Variants in PAK5 observed in about 807,000 individuals in gnomAD.
PAK5 encodes p21 (RAC1) activated kinase 5.
In PAK5, 16 loss-of-function variants were observed where a neutral mutation model predicts 65.9. That is an observed-to-expected ratio of 0.24 (90% CI 0.16 to 0.37). The LOEUF (loss-of-function observed/expected upper bound fraction) is 0.37. Among genes scored for constraint, PAK5 ranks in the 10% least tolerant of loss-of-function variants. The pLI is 1.00. For missense variants in PAK5, 785 were observed against 903.9 expected (o/e 0.87, Z 1.69); for synonymous variants, 371 against 354.9 (o/e 1.05, Z -0.51).
rs188083269 is a variant in PAK5 at position 9,755,694 on chromosome 20, C to T, written c.-161-44259G>A. On this transcript the variant is annotated intron_variant, in intron 1 of 9. Coordinates refer to ENST00000353224, the MANE Select transcript of PAK5 (RefSeq NM_177990.4). ...ACTCATTTTATAGTTCAGTTCAGTT[C>T]CTAAAAAGTCTCCTGTAAATGAGTT... Among the ~76,000 whole-genome samples, 149 of 152,248 alleles carry T rather than the reference C, an allele frequency of 9.8e-4. No individual in the cohort carries two copies. In the Middle Eastern group the frequency reaches 0.014, roughly 14 times the overall value.
chr20:9,755,420 T>C (rs1202340802), intron 1 of PAK5, among the ~76,000 whole-genome samples: 1 of 152,186 alleles, frequency 6.6e-6, no homozygotes, highest in Non-Finnish European at 1.5e-5. Context: ...TCACTCACAT[T>C]AGCAACTCAA....
intron 1 of PAK5, among the ~76,000 whole-genome samples, chr20:9,809,948 T>C (rs1005350849): frequency 6.6e-6 from 1 of 152,204 alleles, no homozygotes; most frequent in East Asian, 1.9e-4. Flanking sequence ...CCTCTGACAT[T>C]CCATTTTGTA....
intron 1 of PAK5, among the ~76,000 whole-genome samples, chr20:9,729,997 GA>G (rs760289697): frequency 2.4e-4 from 20 of 82,258 alleles, no homozygotes; most frequent in Admixed American, 7.8e-4. Context: ...GGGCAACAGG[GA>G]AAAAAAAAAA....
chr20:9,545,485 T>C (rs1381571131), intron 7 of PAK5, among the ~76,000 whole-genome samples: 2 of 152,180 alleles, frequency 1.3e-5, no homozygotes, highest in African/African-American at 2.4e-5. Context: ...CCACTTGAAG[T>C]GAAAAAATTT....
chr20:9,689,913 T>C (rs1045956162), intron 2 of PAK5, among the ~76,000 whole-genome samples: 3 of 152,188 alleles, frequency 2.0e-5, no homozygotes, highest in African/African-American at 7.2e-5. Flanking sequence ...CAAGCAGGCC[T>C]GCAGGCATCA....
chr20:9,777,807 T>C lies in PAK5; in HGVS notation c.-162+60955A>G, dbSNP rs543470329. On this transcript the variant is annotated intron_variant, in intron 1 of 9. Coordinates refer to ENST00000353224, the MANE Select transcript of PAK5 (RefSeq NM_177990.4). ...GGACAGTGGTGCTCCTGCTCTTTTA[T>C]GCATGTGTGAGGATGGGAAAAATCC... 4.6e-5 allele frequency among the ~76,000 whole-genome samples: 7 copies of C among 152,280 alleles called. No homozygotes were observed. In the East Asian group the frequency reaches 1.2e-3, roughly 25 times the overall value.
At chr20:9,586,415 T>G (rs1322966920) in intron 3 of PAK5, among the ~76,000 whole-genome samples, 1 of 152,178 alleles carries the variant, frequency 6.6e-6, no homozygotes, top group Non-Finnish European at 1.5e-5. Flanking sequence ...TAACACTTCA[T>G]TTTTGAGAAA....
intron 1 of PAK5, among the ~76,000 whole-genome samples, chr20:9,715,687 A>C (rs1309399027): frequency 1.3e-5 from 2 of 152,088 alleles, no homozygotes; most frequent in African/African-American, 2.4e-5. Context: ...AAAATGTGGC[A>C]CATATACACC....
intron 2 of PAK5, among the ~76,000 whole-genome samples, chr20:9,705,208 A>T (rs1014852423): frequency 6.6e-6 from 1 of 151,942 alleles, no homozygotes; most frequent in Non-Finnish European, 1.5e-5. Context: ...AAATCAAGAA[A>T]ATCTGAAGAG....
intron 4 of PAK5, among the ~76,000 whole-genome samples, chr20:9,579,455 A>G (rs2045941101): frequency 1.3e-5 from 2 of 152,238 alleles, no homozygotes; most frequent in Admixed American, 1.3e-4. Context: ...TTAGGATATC[A>G]TAGACCAGTC....
chr20:9,631,101 T>C (rs2046915182), intron 3 of PAK5, among the ~76,000 whole-genome samples: 1 of 152,138 alleles, frequency 6.6e-6, no homozygotes, highest in South Asian at 2.1e-4. Flanking sequence ...GATGAGACTT[T>C]GGGATCTTGG....
chr20:9,741,101 G>C (rs981981154), intron 1 of PAK5, among the ~76,000 whole-genome samples: 2 of 152,258 alleles, frequency 1.3e-5, no homozygotes, highest in Admixed American at 1.3e-4. Context: ...AAAGTCATCT[G>C]CTGGACAATT....
intron 1 of PAK5, among the ~76,000 whole-genome samples, chr20:9,739,622 T>C (rs990391677): frequency 1.3e-5 from 2 of 152,192 alleles, no homozygotes; most frequent in African/African-American, 4.8e-5. Flanking sequence ...ATTTTCGATA[T>C]GAACCTGTAC....
intron 3 of PAK5, among the ~76,000 whole-genome samples, chr20:9,605,322 A>G (rs1367762063): frequency 1.3e-5 from 2 of 152,172 alleles, no homozygotes; most frequent in Non-Finnish European, 2.9e-5. Flanking sequence ...TGTGCATGAG[A>G]TGAGTCCACC....
chr20:9,707,312 T>C (rs1324384916), intron 2 of PAK5, among the ~76,000 whole-genome samples: 1 of 151,954 alleles, frequency 6.6e-6, no homozygotes, highest in South Asian at 2.1e-4. Flanking sequence ...ATAGCATCTA[T>C]TTGCCCAGGC....
intron 1 of PAK5, among the ~76,000 whole-genome samples, chr20:9,810,123 C>T (rs2049281297): frequency 6.6e-6 from 1 of 152,134 alleles, no homozygotes; most frequent in South Asian, 2.1e-4. Flanking sequence ...CAGTGGTTCC[C>T]AACCTCCTCT....
chr20:9,554,359 TGCCATGAGGAAGCTCAA>T (rs1278761868), intron 7 of PAK5, among the ~76,000 whole-genome samples: 7 of 152,200 alleles, frequency 4.6e-5, no homozygotes, highest in African/African-American at 1.7e-4. Context: ...CCAGTTGCCA[TGCCATGAGGAAGCTCAA>T]GCCACATGGG....
chr20:9,768,502 G>A (rs1422621000), intron 1 of PAK5, among the ~76,000 whole-genome samples: 1 of 152,042 alleles, frequency 6.6e-6, no homozygotes, highest in Non-Finnish European at 1.5e-5. Flanking sequence ...AAGTAAAGGG[G>A]CCAGGCGCGG....
intron 2 of PAK5, among the ~76,000 whole-genome samples, chr20:9,693,965 A>G (rs1373337836): frequency 2.6e-5 from 4 of 151,956 alleles, no homozygotes; most frequent in African/African-American, 4.8e-5. Context: ...CTCATGGTCT[A>G]TAGAACCTGC....
Sources: gnomAD v4.1 joint callset for allele counts (sites outside exome capture counted in the v4.1 genomes callset) on GRCh38, gnomAD v4.1.1 for gene constraint, MANE v1.5 for transcripts, NCBI Gene and HGNC (gene_info 2026-07-23, HGNC 2026-07-21) for gene names.